Variants in PRELID2 observed in about 807,000 individuals in gnomAD.
PRELID2 encodes PRELI domain-containing protein 2.
In PRELID2, 25 loss-of-function variants were observed where a neutral mutation model predicts 28.4. The observed-to-expected ratio is 0.88, with a 90% CI of 0.64 to 1.23. The LOEUF is 1.23. Ranked by LOEUF, PRELID2 falls within the 50% of genes most tolerant of loss-of-function variation. The probability of loss-of-function intolerance (pLI) is 0.00; values close to 1 mark genes in which losing one functional copy is unlikely to be tolerated. For synonymous variants in PRELID2, 76 were observed against 71.6 expected (o/e 1.06, Z -0.31); for missense variants, 201 against 214.4 (o/e 0.94, Z 0.39).
In PRELID2 at chr5:145,758,241, A is replaced by G. The variant is rs774034425; in HGVS notation, c.*2295T>C. Among the ~76,000 whole-genome samples the G allele has an allele frequency of 2.0e-5, 3 of 152,142 alleles. No homozygotes were observed. The highest frequency in any genetic ancestry group is 4.4e-5 in the Non-Finnish European group (3 of 68,034). On this transcript the variant is annotated 3_prime_UTR_variant, in exon 7 of 7. Coordinates refer to ENST00000683046, the MANE Select transcript of PRELID2 (RefSeq NM_205846.3). ...TAAAAAAGACCAACGACACAACCGCACTGTGCTGGAACCGGGCACACAAGG... is the reference window on the plus strand; with the variant it reads ...TAAAAAAGACCAACGACACAACCGCGCTGTGCTGGAACCGGGCACACAAGG...
At chr5:145,491,521 T>C (rs906708643) in intron 1 of PRELID2, among the ~76,000 whole-genome samples, 1 of 152,200 alleles carries the variant, frequency 6.6e-6, no homozygotes, top group African/African-American at 2.4e-5. Flanking sequence ...AACATATGCA[T>C]TACCTTACAT....
chr5:145,335,440 T>A, the PRELID2 span, among the ~76,000 whole-genome samples: 7,117 of 151,736 alleles, frequency 0.047, 585 homozygotes, highest in African/African-American at 0.16. Flanking sequence ...ATTTTGAAAG[T>A]CTTTGTCAGG....
At chr5:145,422,081 C>G in the PRELID2 span, among the ~76,000 whole-genome samples, 1,884 of 138,834 alleles carry the variant, frequency 0.014, 23 homozygotes, top group Non-Finnish European at 0.019. Context: ...AGTTTGATTG[C>G]ACTGTGGTCT....
intron 5 of PRELID2, among the ~76,000 whole-genome samples, chr5:145,779,379 C>T (rs1054372045): frequency 6.6e-6 from 1 of 152,002 alleles, no homozygotes; most frequent in Admixed American, 6.6e-5. Context: ...AAAGTTGTTT[C>T]ACATGGTGTC....
intron 1 of PRELID2, among the ~76,000 whole-genome samples, chr5:145,649,498 AT>A (rs2149669644): frequency 6.6e-6 from 1 of 152,290 alleles, no homozygotes; most frequent in African/African-American, 2.4e-5. Flanking sequence ...TATTAAACCC[AT>A]TTTTAATTTA....
At chr5:145,369,957 TG>T in the PRELID2 span, among the ~76,000 whole-genome samples, 1 of 141,520 alleles carries the variant, frequency 7.1e-6, no homozygotes, top group East Asian at 2.0e-4. Context: ...CACGTTTTAA[TG>T]GGTTTTTTTT....
the PRELID2 span, among the ~76,000 whole-genome samples, chr5:145,256,023 A>T: frequency 2.0e-5 from 3 of 152,022 alleles, no homozygotes; most frequent in Admixed American, 6.6e-5. Flanking sequence ...ATTATAACAA[A>T]CTTAGTAGCT....
At chr5:145,810,262 T>G (rs963487911) in intron 4 of PRELID2, among the ~76,000 whole-genome samples, 2 of 152,218 alleles carry the variant, frequency 1.3e-5, no homozygotes, top group African/African-American at 2.4e-5. Flanking sequence ...TTGGCCCAAG[T>G]GTCTTAAGGC....
At chr5:145,780,051 G>A (rs1322596879) in intron 5 of PRELID2, among the ~76,000 whole-genome samples, 9 of 152,174 alleles carry the variant, frequency 5.9e-5, no homozygotes, top group Admixed American at 4.6e-4. Flanking sequence ...GGTGGCTCTC[G>A]CCCATAATCC....
chr5:145,739,417 A>G (rs1225922637), intron 1 of PRELID2, among the ~76,000 whole-genome samples: 2 of 152,126 alleles, frequency 1.3e-5, no homozygotes, highest in African/African-American at 4.8e-5. Flanking sequence ...AGGCAGGAGA[A>G]GCGCTTGAAC....
At chr5:145,435,992 A>G in the PRELID2 span, among the ~76,000 whole-genome samples, 1 of 152,080 alleles carries the variant, frequency 6.6e-6, no homozygotes, top group Admixed American at 6.6e-5. Flanking sequence ...GTTATATGGG[A>G]AAATTGTGTG....
At chr5:145,573,485 C>T (rs900860028) in intron 1 of PRELID2, among the ~76,000 whole-genome samples, 3 of 152,072 alleles carry the variant, frequency 2.0e-5, no homozygotes, top group African/African-American at 4.8e-5. Flanking sequence ...TGTCCTAATG[C>T]TCCCCCTCCC....
In PRELID2 at chr5:145,741,364, TTATA is replaced by T. The variant is rs1175426754; in HGVS notation, n.70+23563_70+23566del. ...TAAAATTTATTAATAAATAATTTAT[TTATA>T]TATAAATTTTATTTATAAATTATTT... On this transcript the variant is annotated intron_variant and non_coding_transcript_variant, in intron 1 of 2. Transcript: ENST00000510259. Among the ~76,000 whole-genome samples the T allele has an allele frequency of 2.4e-3, 275 of 116,732 alleles. 4 individuals carry two copies. Among genetic ancestry groups the T allele is most frequent in the African/African-American group, 8.8e-3 (252 of 28,660 alleles). 76.6% of individuals were successfully genotyped at this position (116,732 alleles called of 152,430 possible). A position where few individuals can be genotyped will look rare whatever the true frequency, so the allele number is the denominator to read the frequency against.
At chr5:145,745,053 T>G (rs1420132879) in intron 1 of PRELID2, among the ~76,000 whole-genome samples, 1 of 151,842 alleles carries the variant, frequency 6.6e-6, no homozygotes, top group Non-Finnish European at 1.5e-5. Flanking sequence ...GCATGAGAAC[T>G]TTGTAAAGCA....
chr5:145,662,272 G>A (rs1396409085), intron 1 of PRELID2, among the ~76,000 whole-genome samples: 2 of 152,068 alleles, frequency 1.3e-5, no homozygotes, highest in Admixed American at 1.3e-4. Flanking sequence ...GATCAAAGGA[G>A]CAAAATGATT....
At chr5:145,769,125 G>A (rs1561587005) in intron 5 of PRELID2, among the ~76,000 whole-genome samples, 1 of 152,152 alleles carries the variant, frequency 6.6e-6, no homozygotes, top group African/African-American at 2.4e-5. Context: ...TGCCTGAAAT[G>A]CAGAACAAAC....
chr5:145,644,503 G>T (rs1262197897), intron 1 of PRELID2, among the ~76,000 whole-genome samples: 1 of 151,246 alleles, frequency 6.6e-6, no homozygotes, highest in Non-Finnish European at 1.5e-5. Flanking sequence ...GGTTTTTCAT[G>T]TCTCTATCTC....
intron 1 of PRELID2, among the ~76,000 whole-genome samples, chr5:145,598,073 T>C (rs1268602667): frequency 1.3e-5 from 2 of 152,212 alleles, no homozygotes; most frequent in African/African-American, 4.8e-5. Context: ...CATTAAAAGT[T>C]CAATATTTAG....
intron 1 of PRELID2, among the ~76,000 whole-genome samples, chr5:145,498,836 C>T (rs1337214629): frequency 1.3e-5 from 2 of 151,856 alleles, no homozygotes; most frequent in African/African-American, 2.4e-5. Flanking sequence ...CCTCGGCCTC[C>T]CAAAGTGCTG....
Sources: gnomAD v4.1 joint callset for allele counts (sites outside exome capture counted in the v4.1 genomes callset) on GRCh38, gnomAD v4.1.1 for gene constraint, MANE v1.5 for transcripts, NCBI Gene and HGNC (gene_info 2026-07-23, HGNC 2026-07-21) for gene names.